The following ZNF326 variants were observed in gnomAD, a reference collection of about 807,000 sequenced individuals.
ZNF326 encodes the protein DBIRD complex subunit ZNF326.
In ZNF326, 30 loss-of-function variants were observed where a neutral mutation model predicts 63.1. The observed-to-expected ratio is 0.48, with a 90% CI of 0.36 to 0.64. The LOEUF (loss-of-function observed/expected upper bound fraction) is 0.64. Ranked by LOEUF, ZNF326 falls within the 30% of genes least tolerant of loss-of-function variation. ZNF326 has a pLI of 0.00. For missense variants in ZNF326, 609 were observed against 720.3 expected (o/e 0.85, Z 1.77); for synonymous variants, 194 against 228.2 (o/e 0.85, Z 1.35).
intron 4 of ZNF326, chr1:90,006,467 T>G (rs1648994325): frequency 2.0e-6 from 2 of 985,282 alleles, no homozygotes; most frequent in African/African-American, 3.5e-5. Context: ...AATCCATGCT[T>G]TGGGTTTGTG....
At chr1:90,026,173 C>G (rs1650007233) in intron 11 of ZNF326, among the ~76,000 whole-genome samples, 1 of 152,090 alleles carries the variant, frequency 6.6e-6, no homozygotes, top group African/African-American at 2.4e-5. Flanking sequence ...CCGTGTTAGC[C>G]AGGATGATCT....
At position 90,018,793 on chromosome 1, in the gene ZNF326, T is replaced by C. The variant is rs1649622353; in HGVS notation, c.1174+9T>C. On this transcript the variant is annotated intron_variant, in intron 9 of 11. Coordinates refer to ENST00000340281, the MANE Select transcript of ZNF326 (RefSeq NM_182976.4). ...AAAAGATGTTATGGAAGGTAAGTAT[T>C]TAAAACAAATTATTTTAAAATTCTA... 2.8e-6 allele frequency: 4 copies of C among 1,442,048 alleles called. No individual in the cohort carries two copies. Among genetic ancestry groups the C allele is most frequent in the Non-Finnish European group, 3.8e-6 (4 of 1,053,946 alleles). 89.3% of individuals were successfully genotyped at this position (1,442,048 alleles called of 1,614,324 possible).
rs1340405631 is a variant in ZNF326 at position 90,003,720 on chromosome 1, CAA to C, written c.62-1282_62-1281del. Reference sequence around the variant, plus strand: ...GTAGAAGCAATAGCATGAGACTAGACAAGAGGATATGTATAGAATTTTGGGAA... The same window carrying C: ...GTAGAAGCAATAGCATGAGACTAGACGAGGATATGTATAGAATTTTGGGAA... On this transcript the variant is annotated intron_variant, in intron 2 of 11. Transcript: ENST00000340281. Among the ~76,000 whole-genome samples the C allele has an allele frequency of 9.9e-5, 15 of 152,260 alleles. No individual in the cohort carries two copies. The East Asian group carries it at 2.7e-3, about 27-fold the overall frequency.
Position 89,998,863 on chromosome 1 carries a change from A to G in ZNF326, c.61+709A>G, listed in dbSNP as rs944001731. 6.6e-5 allele frequency among the ~76,000 whole-genome samples: 10 copies of G among 152,364 alleles called. 1 individual carries two copies. The highest frequency in any genetic ancestry group is 5.9e-4 in the Admixed American group (9 of 15,304). Reference sequence around the variant, plus strand: ...GATTGCCAGAGAAATGTAAAATCCAACTTTCGTACAGAATAGAATATATTC... The same window carrying G: ...GATTGCCAGAGAAATGTAAAATCCAGCTTTCGTACAGAATAGAATATATTC... On this transcript the variant is annotated intron_variant, in intron 2 of 11. Coordinates refer to ENST00000340281, the MANE Select transcript of ZNF326 (RefSeq NM_182976.4).
chr1:90,011,291 AG>A (rs1649219403), intron 6 of ZNF326, among the ~76,000 whole-genome samples: 1 of 152,184 alleles, frequency 6.6e-6, no homozygotes, highest in African/African-American at 2.4e-5. Flanking sequence ...CCTCAATACA[AG>A]GTCTTGCTAT....
intron 10 of ZNF326, among the ~76,000 whole-genome samples, chr1:90,021,354 T>A (rs1368958611): frequency 2.6e-5 from 4 of 151,776 alleles, no homozygotes; most frequent in East Asian, 1.9e-4. Flanking sequence ...TGTGAGAGAG[T>A]GTGTGTGTGT....
intron 1 of ZNF326, among the ~76,000 whole-genome samples, chr1:89,995,916 A>AC: frequency 6.6e-6 from 1 of 152,300 alleles, no homozygotes; most frequent in African/African-American, 2.4e-5. Context: ...ATTTATGTGA[A>AC]CCAAAGCACT....
In ZNF326 at chr1:90,024,643, CTT is replaced by C. The variant is rs560894984; in HGVS notation, c.1401+2302_1401+2303del. Among the ~76,000 whole-genome samples the C allele has an allele frequency of 3.6e-3, 554 of 152,048 alleles. 5 individuals carry two copies. Among genetic ancestry groups the C allele is most frequent in the African/African-American group, 0.013 (521 of 41,498 alleles). The stretch of plus-strand genomic sequence containing the variant: ...ATATATATATATTTTAAGACAGAAT[CTT>C]TTTGTGTTGCCCAGGCCAGAGTTCA... On this transcript the variant is annotated intron_variant, in intron 11 of 11. Transcript: ENST00000340281.
chr1:90,011,072 G>A (rs143510544), intron 6 of ZNF326, among the ~76,000 whole-genome samples: 27 of 152,186 alleles, frequency 1.8e-4, no homozygotes, highest in African/African-American at 6.5e-4. Flanking sequence ...GATATATTTT[G>A]CACGTATGGT....
At chr1:90,025,579 C>A (rs1649979954) in intron 11 of ZNF326, among the ~76,000 whole-genome samples, 1 of 152,188 alleles carries the variant, frequency 6.6e-6, no homozygotes. Flanking sequence ...AAATGAAAAT[C>A]TCAGGGTGCT....
intron 4 of ZNF326, chr1:90,006,419 T>C (rs749065698): frequency 2.9e-5 from 29 of 985,404 alleles, no homozygotes; most frequent in Non-Finnish European, 3.4e-5. Context: ...TTGTGGGCCT[T>C]TATAAAATTG....
chr1:90,019,985 T>G (rs534757547), intron 9 of ZNF326, among the ~76,000 whole-genome samples: 21 of 152,262 alleles, frequency 1.4e-4, no homozygotes, highest in Admixed American at 1.2e-3. Flanking sequence ...GATCAGTTGA[T>G]AACATCAATT....
At chr1:90,001,085 G>A (rs112038615) in intron 2 of ZNF326, among the ~76,000 whole-genome samples, 2,210 of 152,238 alleles carry the variant, frequency 0.015, 22 homozygotes, top group Non-Finnish European at 0.022. Flanking sequence ...GTTGTAGGGG[G>A]ATGTCCTGTG....
chr1:90,018,819 C>A, intron 9 of ZNF326, 35 bp downstream of exon 9: 1 of 1,285,378 alleles, frequency 7.8e-7, no homozygotes, highest in Non-Finnish European at 1.1e-6. Context: ...TAAAATTCTA[C>A]ATGTATTTTT....
Position 90,030,635 on chromosome 1 carries a change from A to G in ZNF326, c.*2934A>G, listed in dbSNP as rs1650227428. 1 of 151,812 alleles carries G rather than the reference A, an allele frequency of 6.6e-6. No homozygotes were observed. Among genetic ancestry groups the G allele is most frequent in the Admixed American group, 6.6e-5 (1 of 15,242 alleles). 9.4% of individuals were successfully genotyped at this position (151,812 alleles called of 1,614,324 possible). A position where few individuals can be genotyped will look rare whatever the true frequency, so the allele number is the denominator to read the frequency against. On this transcript the variant is annotated 3_prime_UTR_variant, in exon 12 of 12. Coordinates refer to ENST00000340281, the MANE Select transcript of ZNF326 (RefSeq NM_182976.4). ...TGGGGGTACCAACCTAGATTTTACT[A>G]GAGCATATTCTTTGGAGGTGTTCTT...
At chr1:90,027,306 T>A (rs764853349) in intron 11 of ZNF326, 48 bp from the exon 12 acceptor site, 1 of 1,561,102 alleles carries the variant, frequency 6.4e-7, no homozygotes, top group Non-Finnish European at 8.8e-7. Context: ...TGCCAGATCA[T>A]GTAATAATGA....
chr1:89,999,331 C>T (rs956791837), intron 2 of ZNF326, among the ~76,000 whole-genome samples: 4 of 137,244 alleles, frequency 2.9e-5, no homozygotes, highest in African/African-American at 1.1e-4. Context: ...AGTGCTTTTA[C>T]AAGGGAGAGG....
At chr1:90,014,805 G>A (rs1278727783) in intron 7 of ZNF326, among the ~76,000 whole-genome samples, 1 of 152,112 alleles carries the variant, frequency 6.6e-6, no homozygotes, top group East Asian at 1.9e-4. Flanking sequence ...TCTTTTGGTA[G>A]AAGTAACAGG....
intron 8 of ZNF326, 41 bp from the exon 9 acceptor site, chr1:90,018,644 T>C (rs1474741072): frequency 8.5e-7 from 1 of 1,179,258 alleles, no homozygotes; most frequent in Non-Finnish European, 1.2e-6. Context: ...ACTTGAGTGC[T>C]CATTGAAAGC....
Sources: allele counts gnomAD v4.1 joint callset (sites outside exome capture counted in the v4.1 genomes callset), GRCh38; gene constraint gnomAD v4.1.1; transcripts MANE v1.5; gene names NCBI Gene and HGNC (gene_info 2026-07-23, HGNC 2026-07-21).